ARSJ: variants seen among roughly 807,000 people sequenced by gnomAD.
ARSJ encodes the protein arylsulfatase J.
A neutral mutation model predicts 35.9 loss-of-function variants in ARSJ; 26 were observed. That is an observed-to-expected ratio of 0.72 (90% CI 0.53 to 1.00). ARSJ has a LOEUF of 1.00. ARSJ is among the 50% of genes least tolerant of loss of function. The pLI, the probability that ARSJ is intolerant of heterozygous loss-of-function variation, is 0.00. For synonymous variants in ARSJ, 294 were observed against 267.6 expected, an observed-to-expected ratio of 1.10 and a Z score of -0.96; for missense variants, 667 against 723.6, an observed-to-expected ratio of 0.92 and a Z score of 0.90.
intron 1 of ARSJ, among the ~76,000 whole-genome samples, chr4:113,947,387 C>T (rs536839358): frequency 5.7e-4 from 87 of 151,608 alleles, no homozygotes; most frequent in African/African-American, 2.0e-3. Flanking sequence ...GGTTGAGGCA[C>T]GAGAATCGTT....
In ARSJ at chr4:113,931,365, G is replaced by A. The variant is rs34568521; in HGVS notation, c.399-27690C>T. Among the ~76,000 whole-genome samples, 207 of 152,112 alleles carry A rather than the reference G, an allele frequency of 1.4e-3. 3 individuals are homozygous for A. The highest frequency in any genetic ancestry group is 1.8e-3 in the Non-Finnish European group (124 of 67,972). ...GTGATCCAAGATTAAGTGAAAAGAA[G>A]AAGGAGAAGGAATTAATGAGATAAC... On this transcript the variant is annotated intron_variant, in intron 1 of 1. Transcript: ENST00000315366.
chr4:113,902,171 G>A lies in ARSJ; in HGVS notation c.*103C>T. On this transcript the variant is annotated 3_prime_UTR_variant, in exon 2 of 2. Coordinates refer to ENST00000315366, the MANE Select transcript of ARSJ (RefSeq NM_024590.4). ...GGCACAGCATGAAAACAAGCCTGAC[G>A]CTTAGGCCAGCGATATTATCGAGCC... 6.3e-7 allele frequency: 1 copy of A among 1,598,830 alleles called. No individual in the cohort carries two copies. The highest frequency in any genetic ancestry group is 8.5e-7 in the Non-Finnish European group (1 of 1,179,864).
chr4:113,963,333 C>T (rs1184388319), intron 1 of ARSJ, among the ~76,000 whole-genome samples: 1 of 152,030 alleles, frequency 6.6e-6, no homozygotes. Context: ...GTTTAATTGA[C>T]TCACAGTTCC....
intron 1 of ARSJ, among the ~76,000 whole-genome samples, chr4:113,947,563 G>A (rs1402290633): frequency 1.4e-5 from 2 of 142,582 alleles, no homozygotes; most frequent in Non-Finnish European, 3.1e-5. Flanking sequence ...GGAGAGTGAG[G>A]GAGGGAGGAA....
chr4:113,957,928 A>C (rs1263818812), intron 1 of ARSJ, among the ~76,000 whole-genome samples: 3 of 152,090 alleles, frequency 2.0e-5, no homozygotes, highest in Non-Finnish European at 4.4e-5. Context: ...GTTAGGACTG[A>C]GTGATTACTA....
chr4:113,946,983 G>T lies in ARSJ; in HGVS notation c.398+31454C>A, dbSNP rs529893600. 5.3e-5 allele frequency among the ~76,000 whole-genome samples: 8 copies of T among 152,094 alleles called. No individual in the cohort carries two copies. In the East Asian group the frequency reaches 1.4e-3, roughly 26 times the overall value. ...TAAACCTTCATACATTAGAGGAGAG[G>T]CATCAGCAAAATGAAGTGGTATCCA... On this transcript the variant is annotated intron_variant, in intron 1 of 1. Transcript: ENST00000315366.
chr4:113,976,111 C>T (rs939872022), intron 1 of ARSJ, among the ~76,000 whole-genome samples: 3 of 151,890 alleles, frequency 2.0e-5, no homozygotes, highest in Non-Finnish European at 2.9e-5. Context: ...GTTACAGATT[C>T]GTGTAGTAAA....
chr4:113,947,804 G>A (rs760891246), intron 1 of ARSJ, among the ~76,000 whole-genome samples: 20 of 152,018 alleles, frequency 1.3e-4, no homozygotes, highest in Non-Finnish European at 2.5e-4. Context: ...TTTTTTAAGT[G>A]TAGTATGGCA....
intron 1 of ARSJ, among the ~76,000 whole-genome samples, chr4:113,965,150 T>G (rs1409115047): frequency 6.6e-6 from 1 of 152,118 alleles, no homozygotes; most frequent in African/African-American, 2.4e-5. Flanking sequence ...AGGTTAAGTA[T>G]TCTTAGAAAC....
At chr4:113,949,066 C>T (rs753722668) in intron 1 of ARSJ, among the ~76,000 whole-genome samples, 10 of 152,114 alleles carry the variant, frequency 6.6e-5, no homozygotes, top group Admixed American at 1.3e-4. Context: ...TGGAAACCAT[C>T]ATTCCCAGCA....
At chr4:113,962,953 T>C (rs1726650069) in intron 1 of ARSJ, among the ~76,000 whole-genome samples, 1 of 152,086 alleles carries the variant, frequency 6.6e-6, no homozygotes, top group Non-Finnish European at 1.5e-5. Context: ...GTAATGGTAC[T>C]TGAACACACC....
intron 1 of ARSJ, among the ~76,000 whole-genome samples, chr4:113,961,688 C>T (rs1271921018): frequency 1.3e-5 from 2 of 152,060 alleles, no homozygotes; most frequent in African/African-American, 2.4e-5. Context: ...AGCAAATGAC[C>T]TATTTTTAGC....
intron 1 of ARSJ, among the ~76,000 whole-genome samples, chr4:113,962,404 T>C (rs1313959185): frequency 6.6e-6 from 1 of 151,878 alleles, no homozygotes; most frequent in Non-Finnish European, 1.5e-5. Context: ...CTATTATTTA[T>C]TGGTAGGCTT....
At chr4:113,966,659 T>C (rs1726910778) in intron 1 of ARSJ, among the ~76,000 whole-genome samples, 1 of 152,212 alleles carries the variant, frequency 6.6e-6, no homozygotes, top group Admixed American at 6.5e-5. Context: ...ATGGGACACA[T>C]AATATAGGAA....
intron 1 of ARSJ, among the ~76,000 whole-genome samples, chr4:113,960,190 G>A (rs942286408): frequency 4.6e-5 from 7 of 152,104 alleles, no homozygotes; most frequent in South Asian, 2.1e-4. Flanking sequence ...GTTGTAGTGG[G>A]CATTTTACAA....
chr4:113,972,032 A>T (rs952247087), intron 1 of ARSJ, among the ~76,000 whole-genome samples: 4 of 152,226 alleles, frequency 2.6e-5, no homozygotes, highest in African/African-American at 9.6e-5. Context: ...TAGGACAATT[A>T]TAACTTGAAA....
Position 113,916,431 on chromosome 4 carries a change from G to T in ARSJ, c.399-12756C>A, listed in dbSNP as rs142492332. Among the ~76,000 whole-genome samples, 750 of 152,160 alleles carry T rather than the reference G, an allele frequency of 4.9e-3. 7 individuals are homozygous for T. Among genetic ancestry groups the T allele is most frequent in the African/African-American group, 0.018 (728 of 41,514 alleles). ...TTTTTTTCTTTTTTTGGGTGGTGAG[G>T]TATAGAATAAAGTGAAATAAAATAT... On this transcript the variant is annotated intron_variant, in intron 1 of 1. Transcript: ENST00000315366.
intron 1 of ARSJ, among the ~76,000 whole-genome samples, chr4:113,946,952 G>A (rs945060597): frequency 5.3e-5 from 8 of 151,980 alleles, no homozygotes; most frequent in Non-Finnish European, 1.2e-4. Flanking sequence ...TAGAAGTTCT[G>A]ATGTTTAAAC....
At chr4:113,947,840 T>C (rs555113356) in intron 1 of ARSJ, among the ~76,000 whole-genome samples, 31 of 152,252 alleles carry the variant, frequency 2.0e-4, no homozygotes, top group African/African-American at 7.5e-4. Flanking sequence ...TTTGTCTGAA[T>C]ATGGATATTT....
Sources: gnomAD v4.1 joint callset for allele counts (sites outside exome capture counted in the v4.1 genomes callset) on GRCh38, gnomAD v4.1.1 for gene constraint, MANE v1.5 for transcripts, NCBI Gene and HGNC (gene_info 2026-07-23, HGNC 2026-07-21) for gene names.